SUN1: variants seen among roughly 807,000 people sequenced by gnomAD.
SUN1 encodes the protein SUN domain-containing protein 1.
Under a neutral mutation model 103.2 loss-of-function variants are expected in SUN1, and 61 were observed. That is an observed-to-expected ratio of 0.59 (90% CI 0.48 to 0.73). The LOEUF (loss-of-function observed/expected upper bound fraction) is 0.73. SUN1 is among the 30% of genes least tolerant of loss of function. The pLI is 0.00. For missense variants in SUN1, 1,052 were observed against 1,034.6 expected (o/e 1.02, Z -0.23); for synonymous variants, 490 against 425.7 (o/e 1.15, Z -1.86).
chr7:837,213 C>T (rs923860212), intron 1 of SUN1, among the ~76,000 whole-genome samples: 7 of 152,124 alleles, frequency 4.6e-5, no homozygotes, highest in African/African-American at 1.7e-4. Flanking sequence ...AGCAGGGTTC[C>T]GTGGCTGGAA....
At chr7:842,261 C>T in intron 3 of SUN1, 131 bp downstream of exon 3, 1 of 1,018,058 alleles carries the variant, frequency 9.8e-7, no homozygotes, top group South Asian at 1.7e-5. Flanking sequence ...AGGCTGTGGC[C>T]ACATTGTGGG....
chr7:832,611 C>T lies in SUN1; in HGVS notation c.77+10C>T. 4 of 1,606,882 alleles carry T rather than the reference C, an allele frequency of 2.5e-6. No individual in the cohort carries two copies. The highest frequency in any genetic ancestry group is 3.4e-6 in the Non-Finnish European group (4 of 1,176,254). ...ACACGTATGCGCTCAGGTGAGTGTG[C>T]ACCTGCACGTGGGGTCCTGGCCTTG... On this transcript the variant is annotated intron_variant, in intron 1 of 18. Coordinates refer to ENST00000401592, the MANE Select transcript of SUN1 (RefSeq NM_001130965.3).
chr7:851,347 G>A (rs1446113822), intron 5 of SUN1, 37 bp from the exon 6 acceptor site: 1 of 1,540,164 alleles, frequency 6.5e-7, no homozygotes, highest in Admixed American at 1.9e-5. Context: ...CTGGTCCCTG[G>A]CGTCTGTCTG....
chr7:854,892 C>T (rs1825721111), intron 10 of SUN1, 28 bp from the exon 11 acceptor site: 1 of 1,559,532 alleles, frequency 6.4e-7, no homozygotes, highest in Admixed American at 1.8e-5. Context: ...CTTTCTCCAT[C>T]ATTTGTTCAC....
chr7:825,326 T>C (rs1039549586), intron 1 of SUN1, among the ~76,000 whole-genome samples: 1 of 152,194 alleles, frequency 6.6e-6, no homozygotes, highest in Non-Finnish European at 1.5e-5. Flanking sequence ...CCTCCCAAAG[T>C]GTTGGGATTA....
intron 7 of SUN1, 24 bp downstream of exon 7, chr7:852,067 G>A (rs1382131823): frequency 1.2e-6 from 2 of 1,610,300 alleles, no homozygotes; most frequent in Non-Finnish European, 1.7e-6. Flanking sequence ...TATCATGTCA[G>A]CGTGGTGCTT....
At chr7:840,817 A>G (rs1355425870) in intron 2 of SUN1, among the ~76,000 whole-genome samples, 2 of 146,512 alleles carry the variant, frequency 1.4e-5, no homozygotes, top group Non-Finnish European at 1.5e-5. Context: ...AATTTTTTGT[A>G]TTTTTAGTAG....
chr7:824,424 T>C (rs1332445635), intron 1 of SUN1, among the ~76,000 whole-genome samples: 1 of 152,134 alleles, frequency 6.6e-6, no homozygotes, highest in African/African-American at 2.4e-5. Flanking sequence ...ATCGTACTGG[T>C]TATAAGGAAA....
chr7:847,292 TCCCCTGGGGGTTACTCCGCAGTCCAGG>T (rs1816882080), intron 5 of SUN1, among the ~76,000 whole-genome samples: 4 of 143,598 alleles, frequency 2.8e-5, no homozygotes, highest in Admixed American at 7.0e-5. Context: ...GTCTCCGGGA[TCCCCTGGGGGTTACTCCGCAGTCCAGG>T]CTCCGGGATC....
rs769687950 is a variant in SUN1, at chr7:843,355, G to A, written c.493G>A (p.Ala165Thr). The A allele has an allele frequency of 1.2e-6, 2 of 1,606,366 alleles. No homozygotes were observed. The highest frequency in any genetic ancestry group is 2.2e-5 in the South Asian group (2 of 90,008). Residue 165 changes from alanine (A) to threonine (T), a missense_variant, in exon 5 of 19, where the codon GCC (alanine) becomes ACC (threonine). Coordinates refer to ENST00000401592, the MANE Select transcript of SUN1 (RefSeq NM_001130965.3). Reference protein sequence around the residue: ...DGDLKGGNKAAIQGNGDVGAA... With the variant: ...DGDLKGGNKATIQGNGDVGAA... ...GAAAACTTTAGGTGGAAATAAAGCTGCCATTCAGGGAAACGGGGATGTGGG... is the reference window on the plus strand; with the variant it reads ...GAAAACTTTAGGTGGAAATAAAGCTACCATTCAGGGAAACGGGGATGTGGG...
intron 13 of SUN1, among the ~76,000 whole-genome samples, chr7:858,786 T>C (rs565235147): frequency 6.6e-6 from 1 of 152,324 alleles, no homozygotes; most frequent in East Asian, 1.9e-4. Flanking sequence ...GCATTTGCAA[T>C]ACGTGTGGTA....
upstream of SUN1, among the ~76,000 whole-genome samples, chr7:831,357 C>T (rs550457787): frequency 6.6e-5 from 10 of 151,728 alleles, no homozygotes; most frequent in East Asian, 5.8e-4. Flanking sequence ...CTGCAAGCTC[C>T]GCCTCCCGGG....
chr7:864,262 A>G (rs1168841993), intron 15 of SUN1, among the ~76,000 whole-genome samples: 2 of 152,210 alleles, frequency 1.3e-5, no homozygotes, highest in African/African-American at 4.8e-5. Flanking sequence ...AAAATGCACA[A>G]TTAGGCCAGG....
At chr7:866,723 G>A (rs867405877) in intron 16 of SUN1, among the ~76,000 whole-genome samples, 10 of 2,574 alleles carry the variant, frequency 3.9e-3, no homozygotes, top group East Asian at 0.019. Flanking sequence ...CCCCCCCCCC[G>A]CCCCCCGTCC....
chr7:841,805 A>C, intron 2 of SUN1, 141 bp from the exon 3 acceptor site: 1 of 822,150 alleles, frequency 1.2e-6, no homozygotes, highest in Non-Finnish European at 1.9e-6. Context: ...CAGTTGATTC[A>C]TTACAGCAGA....
At chr7:841,160 C>T (rs1327035246) in intron 2 of SUN1, among the ~76,000 whole-genome samples, 4 of 150,720 alleles carry the variant, frequency 2.7e-5, no homozygotes, top group Admixed American at 2.6e-4. Flanking sequence ...CTTGAACTCC[C>T]GACCTCAGGT....
chr7:824,433 A>T (rs1161212809), intron 1 of SUN1, among the ~76,000 whole-genome samples: 1 of 152,146 alleles, frequency 6.6e-6, no homozygotes, highest in Non-Finnish European at 1.5e-5. Context: ...GTTATAAGGA[A>T]ATTCTGTGCA....
chr7:856,548 C>A (rs1463636639), intron 12 of SUN1, 147 bp downstream of exon 12: 5 of 838,226 alleles, frequency 6.0e-6, no homozygotes, highest in African/African-American at 1.7e-5. Flanking sequence ...GACAGACACT[C>A]CTGCTGGGCT....
At chr7:848,358 T>C (rs1818548559) in intron 5 of SUN1, 8 of 1,300,980 alleles carry the variant, frequency 6.1e-6, no homozygotes, top group South Asian at 1.3e-5. Flanking sequence ...ACCTGACTTA[T>C]CAGGAAGTAG....
Sources: allele counts gnomAD v4.1 joint callset (sites outside exome capture counted in the v4.1 genomes callset), GRCh38; gene constraint gnomAD v4.1.1; transcripts MANE v1.5; gene names NCBI Gene and HGNC (gene_info 2026-07-23, HGNC 2026-07-21).